Variants in TBC1D5 observed in about 807,000 individuals in gnomAD.
TBC1D5 encodes TBC1 domain family member 5.
A neutral mutation model predicts 100.3 loss-of-function variants in TBC1D5; 75 were observed. That is an observed-to-expected ratio of 0.75 (90% CI 0.62 to 0.91). The LOEUF (loss-of-function observed/expected upper bound fraction) is 0.91. Among genes scored for constraint, TBC1D5 ranks in the 40% least tolerant of loss-of-function variants. The probability of loss-of-function intolerance (pLI) is 0.00; values close to 1 mark genes in which losing one functional copy is unlikely to be tolerated. For missense variants in TBC1D5, 910 were observed against 942.4 expected, an observed-to-expected ratio of 0.97 and a Z score of 0.45; for synonymous variants, 323 against 325.6, an observed-to-expected ratio of 0.99 and a Z score of 0.09.
intron 9 of TBC1D5, among the ~76,000 whole-genome samples, chr3:17,381,359 GA>G (rs2092936557): frequency 6.6e-6 from 1 of 151,974 alleles, no homozygotes; most frequent in African/African-American, 2.4e-5. Flanking sequence ...TGTAATTTGG[GA>G]TAACTTTATC....
intron 1 of TBC1D5, chr3:17,672,667 T>A (rs1245766237): frequency 6.6e-6 from 1 of 152,246 alleles, no homozygotes; most frequent in Non-Finnish European, 1.5e-5. Flanking sequence ...CAGTGTTGTC[T>A]GCAGGCTTCT....
intron 14 of TBC1D5, among the ~76,000 whole-genome samples, chr3:17,297,393 G>A (rs1280873784): frequency 1.3e-5 from 2 of 151,998 alleles, no homozygotes; most frequent in African/African-American, 4.8e-5. Flanking sequence ...TGGCTAACAC[G>A]GTAAAATCCT....
intron 1 of TBC1D5, among the ~76,000 whole-genome samples, chr3:17,640,829 C>G (rs1219995284): frequency 6.6e-6 from 1 of 151,942 alleles, no homozygotes; most frequent in Middle Eastern, 3.4e-3. Context: ...TATTTCTATA[C>G]CTAGAATAAT....
intron 1 of TBC1D5, among the ~76,000 whole-genome samples, chr3:17,686,293 G>A (rs2153819181): frequency 6.6e-6 from 1 of 152,154 alleles, no homozygotes; most frequent in East Asian, 1.9e-4. Context: ...TTTAACAAAG[G>A]TTTTATCTAC....
At chr3:17,731,092 G>C (rs865917216) in intron 1 of TBC1D5, among the ~76,000 whole-genome samples, 1 of 152,144 alleles carries the variant, frequency 6.6e-6, no homozygotes, top group Admixed American at 6.5e-5. Context: ...GTAAGATGAA[G>C]AGACAGAAAA....
At chr3:17,278,155 C>T (rs2080218526) in intron 15 of TBC1D5, among the ~76,000 whole-genome samples, 1 of 152,146 alleles carries the variant, frequency 6.6e-6, no homozygotes, top group Non-Finnish European at 1.5e-5. Context: ...ACTCTGTCAT[C>T]ATAAGGATAA....
chr3:17,291,741 T>C (rs1042720942), intron 15 of TBC1D5, among the ~76,000 whole-genome samples, 154 bp downstream of exon 15: 1 of 152,220 alleles, frequency 6.6e-6, no homozygotes, highest in Non-Finnish European at 1.5e-5. Context: ...CAATGAGGTA[T>C]ATGGGTTTTG....
At chr3:17,726,350 T>C (rs2076128417) in intron 1 of TBC1D5, among the ~76,000 whole-genome samples, 1 of 152,228 alleles carries the variant, frequency 6.6e-6, no homozygotes, top group African/African-American at 2.4e-5. Context: ...GCATTCCTTA[T>C]TCTATAAAAC....
intron 2 of TBC1D5, among the ~76,000 whole-genome samples, chr3:17,609,490 C>G (rs1298693191): frequency 6.6e-6 from 1 of 152,176 alleles, no homozygotes; most frequent in Non-Finnish European, 1.5e-5. Flanking sequence ...TTTCCAACCA[C>G]CGACCTGACC....
At chr3:17,535,646 G>A (rs975799239) in intron 2 of TBC1D5, among the ~76,000 whole-genome samples, 1 of 151,986 alleles carries the variant, frequency 6.6e-6, no homozygotes, top group Non-Finnish European at 1.5e-5. Context: ...TTGTTCCAAA[G>A]ATTAAAATAA....
chr3:17,690,955 A>G (rs539093255), intron 1 of TBC1D5, among the ~76,000 whole-genome samples: 12 of 152,114 alleles, frequency 7.9e-5, no homozygotes, highest in African/African-American at 1.2e-4. Context: ...AAAACAGAGG[A>G]AAAAAAATCT....
intron 2 of TBC1D5, among the ~76,000 whole-genome samples, chr3:17,544,581 G>A (rs1305899887): frequency 6.6e-6 from 1 of 150,900 alleles, no homozygotes; most frequent in Admixed American, 6.6e-5. Context: ...AACCCGCGAG[G>A]CGGAGGTTGC....
chr3:17,190,931 G>A (rs897056887), intron 18 of TBC1D5, among the ~76,000 whole-genome samples: 5 of 152,198 alleles, frequency 3.3e-5, no homozygotes, highest in African/African-American at 9.7e-5. Context: ...TAAAGGAAAC[G>A]GAAAGTCTCA....
chr3:17,250,559 C>T (rs1434861557), intron 16 of TBC1D5, among the ~76,000 whole-genome samples: 1 of 152,234 alleles, frequency 6.6e-6, no homozygotes, highest in Non-Finnish European at 1.5e-5. Context: ...GCCATACCGG[C>T]CTGCTTACTA....
chr3:17,383,829 A>G, intron 9 of TBC1D5, 84 bp downstream of exon 9: 1 of 1,035,916 alleles, frequency 9.7e-7, no homozygotes. Flanking sequence ...GATACAATAA[A>G]GGCTACATTA....
intron 2 of TBC1D5, among the ~76,000 whole-genome samples, chr3:17,565,931 C>T (rs2096590800): frequency 6.6e-6 from 1 of 151,972 alleles, no homozygotes; most frequent in Non-Finnish European, 1.5e-5. Context: ...CCGTATCCTT[C>T]CTATATTATA....
In TBC1D5 at chr3:17,214,057, A is replaced by G. The variant is rs564236332; in HGVS notation, c.1752+150T>C. 1.4e-4 allele frequency: 103 copies of G among 749,716 alleles called. No individual in the cohort carries two copies. In the African/African-American group the frequency reaches 1.8e-3, roughly 13 times the overall value. 46.4% of individuals were successfully genotyped at this position (749,716 alleles called of 1,614,324 possible). A position where few individuals can be genotyped will look rare whatever the true frequency, so the allele number is the denominator to read the frequency against. ...CAGCCTTAAAATATTACTAAAGTAA[A>G]ATAATAAAATACTTTTGATAAAATA... On this transcript the variant is annotated intron_variant, in intron 18 of 21. Coordinates refer to ENST00000253692, the Ensembl canonical transcript of TBC1D5.
chr3:17,665,483 A>G (rs1355081189), intron 1 of TBC1D5, among the ~76,000 whole-genome samples: 1 of 152,230 alleles, frequency 6.6e-6, no homozygotes, highest in Non-Finnish European at 1.5e-5. Context: ...TAATTCTATC[A>G]ACCAACAGTA....
intron 2 of TBC1D5, among the ~76,000 whole-genome samples, chr3:17,602,018 A>T (rs1455461784): frequency 6.6e-6 from 1 of 151,950 alleles, no homozygotes; most frequent in Admixed American, 6.6e-5. Flanking sequence ...TTTTTAGTAG[A>T]GATGGGGTTT....
Sources: allele counts gnomAD v4.1 joint callset (sites outside exome capture counted in the v4.1 genomes callset), GRCh38; gene constraint gnomAD v4.1.1; transcripts MANE v1.5; gene names NCBI Gene and HGNC (gene_info 2026-07-23, HGNC 2026-07-21).